Variants in SAMD5 observed in about 807,000 individuals in gnomAD.
The protein encoded by SAMD5 is sterile alpha motif domain-containing protein 5.
Under a neutral mutation model 11.3 loss-of-function variants are expected in SAMD5, and 13 were observed. That is an observed-to-expected ratio of 1.15 (90% confidence interval 0.75 to 1.83). SAMD5 has a LOEUF of 1.83. Among genes scored for constraint, SAMD5 ranks in the 40% most tolerant of loss-of-function variants. The pLI is 0.00. For synonymous variants in SAMD5, 129 were observed against 111.3 expected (o/e 1.16, Z -1.00); for missense variants, 255 against 239.1 (o/e 1.07, Z -0.44).
At chr6:147,643,744 A>AGAAGGAAG (rs6149848) in intron 1 of SAMD5, among the ~76,000 whole-genome samples, 23,293 of 115,752 alleles carry the variant, frequency 0.2, 2,756 homozygotes, top group East Asian at 0.24. Context: ...AGGGAAGGAA[A>AGAAGGAAG]GAAGGAAGGA....
intron 1 of SAMD5, among the ~76,000 whole-genome samples, chr6:147,638,974 T>C (rs1419174882): frequency 6.6e-6 from 1 of 152,190 alleles, no homozygotes; most frequent in Non-Finnish European, 1.5e-5. Flanking sequence ...TTTTTCCCAA[T>C]GAGATCGAAA....
intron 1 of SAMD5, among the ~76,000 whole-genome samples, chr6:147,671,314 A>G (rs546501438): frequency 3.7e-4 from 57 of 152,350 alleles, no homozygotes; most frequent in African/African-American, 1.3e-3. Flanking sequence ...AAGTGAGCAC[A>G]TGCTGTTGGA....
At chr6:147,903,662 C>T in the SAMD5 span, among the ~76,000 whole-genome samples, 1 of 152,160 alleles carries the variant, frequency 6.6e-6, no homozygotes, top group Non-Finnish European at 1.5e-5. Flanking sequence ...ATAATCCCAG[C>T]ACTTTAGGAG....
intron 1 of SAMD5, among the ~76,000 whole-genome samples, chr6:147,539,319 CT>C: frequency 6.6e-6 from 1 of 152,176 alleles, no homozygotes. Context: ...AGGATGTTTC[CT>C]TGTCTTCCAG....
chr6:147,637,433 C>T (rs1304971682), intron 1 of SAMD5, among the ~76,000 whole-genome samples: 1 of 152,122 alleles, frequency 6.6e-6, no homozygotes, highest in African/African-American at 2.4e-5. Context: ...TATTCATCAC[C>T]CTCAGGGTTA....
At chr6:147,774,772 A>T in the SAMD5 span, among the ~76,000 whole-genome samples, 2 of 151,974 alleles carry the variant, frequency 1.3e-5, no homozygotes, top group African/African-American at 4.8e-5. Context: ...GAATCTGTGG[A>T]TGTGGAACCC....
intron 1 of SAMD5, among the ~76,000 whole-genome samples, chr6:147,537,692 C>G (rs1411749559): frequency 6.7e-6 from 1 of 149,816 alleles, no homozygotes; most frequent in Admixed American, 6.6e-5. Context: ...GGAGGCGGAG[C>G]TTGCAGTGAG....
At chr6:147,821,687 C>T in the SAMD5 span, among the ~76,000 whole-genome samples, 1 of 152,200 alleles carries the variant, frequency 6.6e-6, no homozygotes, top group South Asian at 2.1e-4. Flanking sequence ...TCCAGTAAAA[C>T]GGAAGATGAT....
chr6:147,734,004 T>G (rs1172155508), intron 1 of SAMD5, among the ~76,000 whole-genome samples: 1 of 152,192 alleles, frequency 6.6e-6, no homozygotes. Flanking sequence ...GGCCTTTCCA[T>G]TTTATCTTAA....
chr6:147,580,416 C>A (rs1017915618), intron 1 of SAMD5, among the ~76,000 whole-genome samples: 5 of 152,210 alleles, frequency 3.3e-5, no homozygotes, highest in Admixed American at 3.3e-4. Context: ...CACCACTGGG[C>A]TTTTCCTCTC....
At chr6:147,739,635 A>G (rs1426803512), downstream of SAMD5, among the ~76,000 whole-genome samples, 1 of 152,106 alleles carries the variant, frequency 6.6e-6, no homozygotes, top group Non-Finnish European at 1.5e-5. Context: ...TTTTAGATCA[A>G]TGGAAAGAGA....
chr6:147,566,749 T>C lies in SAMD5; in HGVS notation c.*2293T>C, dbSNP rs147791794. ...TTTAAAAAGACATCTTAGTTAAAGC[T>C]AGAGGAAGAAAACTTCAAATAAGCA... On this transcript the variant is annotated 3_prime_UTR_variant, in exon 2 of 2. Transcript: ENST00000367474. The C allele has an allele frequency of 7.8e-5, 77 of 985,238 alleles. 1 individual carries two copies. In the African/African-American group the frequency reaches 1.2e-3, roughly 16 times the overall value. 61.0% of individuals were successfully genotyped at this position (985,238 alleles called of 1,614,324 possible).
intron 1 of SAMD5, among the ~76,000 whole-genome samples, chr6:147,650,126 C>T (rs1042648432): frequency 1.3e-5 from 2 of 152,122 alleles, no homozygotes; most frequent in South Asian, 2.1e-4. Flanking sequence ...TTACCATACA[C>T]GAAGTTATTC....
intron 1 of SAMD5, among the ~76,000 whole-genome samples, chr6:147,514,159 G>A (rs1788130041): frequency 6.6e-6 from 1 of 152,084 alleles, no homozygotes; most frequent in Non-Finnish European, 1.5e-5. Flanking sequence ...TCCTGGAGGA[G>A]GTGCGAGGGA....
intron 1 of SAMD5, among the ~76,000 whole-genome samples, chr6:147,556,286 G>A (rs1415137570): frequency 6.6e-6 from 1 of 152,078 alleles, no homozygotes; most frequent in African/African-American, 2.4e-5. Context: ...TAGAGACGGG[G>A]TTTCACCGTG....
the SAMD5 span, among the ~76,000 whole-genome samples, chr6:147,900,823 C>T: frequency 6.6e-6 from 1 of 152,140 alleles, no homozygotes; most frequent in African/African-American, 2.4e-5. Flanking sequence ...TTTTCAAAAG[C>T]ATAAACTTTT....
intron 1 of SAMD5, among the ~76,000 whole-genome samples, chr6:147,626,057 G>A (rs1452116089): frequency 6.6e-6 from 1 of 152,076 alleles, no homozygotes; most frequent in Non-Finnish European, 1.5e-5. Context: ...AGTTGAGGGA[G>A]GGTATAGGAA....
chr6:147,614,289 G>A (rs1238915832), intron 1 of SAMD5, among the ~76,000 whole-genome samples: 1 of 151,658 alleles, frequency 6.6e-6, no homozygotes, highest in East Asian at 1.9e-4. Flanking sequence ...TCAACATGGT[G>A]AAACCCTGTC....
the SAMD5 span, among the ~76,000 whole-genome samples, chr6:147,805,920 T>G: frequency 0.012 from 1,872 of 152,086 alleles, 49 homozygotes; most frequent in African/African-American, 0.042. Flanking sequence ...GCAAGGAAAA[T>G]AATGAGCTTG....
Sources: gnomAD v4.1 joint callset for allele counts (sites outside exome capture counted in the v4.1 genomes callset) on GRCh38, gnomAD v4.1.1 for gene constraint, MANE v1.5 for transcripts, NCBI Gene and HGNC (gene_info 2026-07-23, HGNC 2026-07-21) for gene names.